Variants in CNTNAP5 observed in about 807,000 individuals in gnomAD.
The protein encoded by CNTNAP5 is contactin-associated protein-like 5.
A neutral mutation model predicts 150.2 loss-of-function variants in CNTNAP5; 72 were observed. The ratio of observed to expected loss-of-function variants is 0.48; its 90% confidence interval spans 0.40 to 0.58. The LOEUF (loss-of-function observed/expected upper bound fraction) is 0.58, where lower values mean the gene tolerates loss of function less well. CNTNAP5 is among the 20% of genes least tolerant of loss of function. The pLI is 0.00. For missense variants in CNTNAP5, 1,636 were observed against 1,626.2 expected, an observed-to-expected ratio of 1.01 and a Z score of -0.10; for synonymous variants, 672 against 619.8, an observed-to-expected ratio of 1.08 and a Z score of -1.25.
At chr2:124,035,704 C>G (rs540019570) in intron 1 of CNTNAP5, among the ~76,000 whole-genome samples, 2 of 152,168 alleles carry the variant, frequency 1.3e-5, no homozygotes, top group African/African-American at 4.8e-5. Context: ...AAAATATTTT[C>G]CCCAAATCCC....
At chr2:124,178,919 TTTATTTATTTA>T (rs1237089631) in intron 1 of CNTNAP5, among the ~76,000 whole-genome samples, 1 of 100,510 alleles carries the variant, frequency 9.9e-6, no homozygotes, top group Non-Finnish European at 2.3e-5. Context: ...TATTTATTTA[TTTATTTATTTA>T]TTTATTTATT....
At position 124,751,554 on chromosome 2, in the gene CNTNAP5, T is replaced by A. The variant is rs13003204; in HGVS notation, c.2234+4169T>A. Among the ~76,000 whole-genome samples, 760 of 152,260 alleles carry A rather than the reference T, an allele frequency of 5.0e-3. 5 individuals carry two copies. Among genetic ancestry groups the A allele is most frequent in the African/African-American group, 0.017 (707 of 41,556 alleles). On this transcript the variant is annotated intron_variant, in intron 14 of 23. Transcript: ENST00000682447. ...GGAAAAATACAAAAGCTAACACACT[T>A]GTGAAATAGTTAATCAAGTTCAACA...
intron 1 of CNTNAP5, among the ~76,000 whole-genome samples, chr2:124,127,424 G>A (rs1025227310): frequency 6.6e-6 from 1 of 152,096 alleles, no homozygotes; most frequent in Non-Finnish European, 1.5e-5. Flanking sequence ...ACAAACAAAT[G>A]GAAGAACATT....
intron 1 of CNTNAP5, among the ~76,000 whole-genome samples, chr2:124,111,593 A>G (rs780472091): frequency 2.2e-4 from 34 of 152,190 alleles, no homozygotes; most frequent in Non-Finnish European, 3.5e-4. Context: ...AACTAAAAAC[A>G]GCTCTCATGA....
intron 13 of CNTNAP5, among the ~76,000 whole-genome samples, chr2:124,721,472 A>C (rs1193603408): frequency 1.3e-5 from 2 of 151,656 alleles, no homozygotes; most frequent in Non-Finnish European, 2.9e-5. Context: ...ACAGAGTGAG[A>C]CTCCATCTCA....
At chr2:124,373,473 G>A (rs1690577682) in intron 3 of CNTNAP5, among the ~76,000 whole-genome samples, 1 of 151,826 alleles carries the variant, frequency 6.6e-6, no homozygotes, top group Non-Finnish European at 1.5e-5. Context: ...TGAATAAAAA[G>A]GAACTAAAGT....
chr2:124,084,904 A>C (rs1034237366), intron 1 of CNTNAP5, among the ~76,000 whole-genome samples: 1 of 145,382 alleles, frequency 6.9e-6, no homozygotes, highest in African/African-American at 2.5e-5. Flanking sequence ...TGTTTTAAAA[A>C]TTATGAATTC....
chr2:124,762,653 C>T (rs532477404), intron 14 of CNTNAP5, among the ~76,000 whole-genome samples: 3 of 152,180 alleles, frequency 2.0e-5, no homozygotes, highest in African/African-American at 7.2e-5. Flanking sequence ...AAATTATTTG[C>T]CCAGTCTAAC....
chr2:124,030,101 T>C (rs1484527724), intron 1 of CNTNAP5, among the ~76,000 whole-genome samples: 3 of 152,136 alleles, frequency 2.0e-5, no homozygotes, highest in Admixed American at 2.0e-4. Context: ...TCTTGCTGTA[T>C]GCAACGAAGA....
At chr2:124,123,815 A>C (rs1683624273) in intron 1 of CNTNAP5, among the ~76,000 whole-genome samples, 1 of 152,160 alleles carries the variant, frequency 6.6e-6, no homozygotes, top group Admixed American at 6.5e-5. Flanking sequence ...ACCTCCAGCA[A>C]ACTCCAACAG....
intron 3 of CNTNAP5, among the ~76,000 whole-genome samples, chr2:124,272,698 T>C (rs1003349468): frequency 2.0e-5 from 3 of 152,200 alleles, no homozygotes; most frequent in Non-Finnish European, 1.5e-5. Flanking sequence ...CTGTTTCCTA[T>C]AAAATTAGAT....
chr2:124,674,524 T>C (rs1036246845), intron 13 of CNTNAP5, among the ~76,000 whole-genome samples: 3 of 138,880 alleles, frequency 2.2e-5, no homozygotes, highest in African/African-American at 8.1e-5. Flanking sequence ...TCTTTCTTTC[T>C]TTCTTTCTTT....
intron 19 of CNTNAP5, among the ~76,000 whole-genome samples, chr2:124,855,970 T>A (rs1677362482): frequency 6.6e-6 from 1 of 152,142 alleles, no homozygotes; most frequent in South Asian, 2.1e-4. Context: ...AATGTTTGGT[T>A]TTCCATGACT....
intron 13 of CNTNAP5, among the ~76,000 whole-genome samples, chr2:124,660,687 G>C (rs946008735): frequency 6.6e-5 from 10 of 152,006 alleles, no homozygotes; most frequent in African/African-American, 2.4e-4. Flanking sequence ...GCCTGTTGCT[G>C]TACTGAATAC....
At chr2:124,794,278 C>T (rs1681797534) in intron 18 of CNTNAP5, among the ~76,000 whole-genome samples, 1 of 152,196 alleles carries the variant, frequency 6.6e-6, no homozygotes, top group African/African-American at 2.4e-5. Context: ...TTGTATGACA[C>T]TGGTTGTGTA....
chr2:124,641,208 A>G (rs1054332433), intron 12 of CNTNAP5, among the ~76,000 whole-genome samples: 2 of 151,606 alleles, frequency 1.3e-5, no homozygotes, highest in Admixed American at 6.6e-5. Flanking sequence ...GTTCAACCCT[A>G]TGCTTTCTAT....
At chr2:124,210,672 C>T (rs1423120124) in intron 1 of CNTNAP5, among the ~76,000 whole-genome samples, 1 of 152,108 alleles carries the variant, frequency 6.6e-6, no homozygotes, top group Admixed American at 6.6e-5. Context: ...TTGAAGCAAA[C>T]TTTCTAAAAT....
intron 1 of CNTNAP5, among the ~76,000 whole-genome samples, chr2:124,198,183 G>C (rs1009556916): frequency 7.4e-6 from 1 of 134,410 alleles, no homozygotes; most frequent in South Asian, 2.8e-4. Context: ...AGCCATTTGA[G>C]TTTCTTTTTT....
chr2:124,674,509 C>CTCTT (rs768888927), intron 13 of CNTNAP5, among the ~76,000 whole-genome samples: 8,545 of 114,960 alleles, frequency 0.074, 428 homozygotes, highest in East Asian at 0.2. Flanking sequence ...TTCTTTCTTT[C>CTCTT]TCTTTCTTTC....
Sources: allele counts gnomAD v4.1 joint callset (sites outside exome capture counted in the v4.1 genomes callset), GRCh38; gene constraint gnomAD v4.1.1; transcripts MANE v1.5; gene names NCBI Gene and HGNC (gene_info 2026-07-23, HGNC 2026-07-21).